Variants in UBE2E1 observed in about 807,000 individuals in gnomAD.
UBE2E1 encodes ubiquitin conjugating enzyme E2 E1, also known as ubiquitin-conjugating enzyme E2 E1.
Under a neutral mutation model 21.4 loss-of-function variants are expected in UBE2E1, and 6 were observed. The ratio of observed to expected loss-of-function variants is 0.28; its 90% CI spans 0.15 to 0.55. The LOEUF (loss-of-function observed/expected upper bound fraction) is 0.55. Among genes scored for constraint, UBE2E1 ranks in the 20% least tolerant of loss-of-function variants. The pLI is 0.93. For synonymous variants in UBE2E1, 87 were observed against 82.7 expected (o/e 1.05, Z -0.28); for missense variants, 142 against 236.5 (o/e 0.60, Z 2.62).
At position 23,875,066 on chromosome 3, in the gene UBE2E1, C is replaced by T. The variant is rs368712512; in HGVS notation, c.204-12501C>T. 1.8e-4 allele frequency among the ~76,000 whole-genome samples: 28 copies of T among 152,284 alleles called. No homozygotes were observed. In the East Asian group the frequency reaches 4.6e-3, roughly 25 times the overall value. Reference sequence around the variant, plus strand: ...TCATCCCTACCAGAGTAACTTAACCCTTTACTTACAAGTTACTTGGAAGTA... The same window carrying T: ...TCATCCCTACCAGAGTAACTTAACCTTTTACTTACAAGTTACTTGGAAGTA... On this transcript the variant is annotated intron_variant, in intron 3 of 5. Coordinates refer to ENST00000306627, the MANE Select transcript of UBE2E1 (RefSeq NM_003341.5).
At chr3:23,877,969 A>G (rs776880391) in intron 3 of UBE2E1, among the ~76,000 whole-genome samples, 5 of 152,002 alleles carry the variant, frequency 3.3e-5, no homozygotes, top group Non-Finnish European at 5.9e-5. Flanking sequence ...CACTGTTGCT[A>G]CCCTGCCCCT....
chr3:23,852,086 C>T (rs142294784), intron 3 of UBE2E1, among the ~76,000 whole-genome samples: 1 of 152,288 alleles, frequency 6.6e-6, no homozygotes, highest in South Asian at 2.1e-4. Flanking sequence ...CATCTTCTGC[C>T]ATGAGTGGAA....
At chr3:23,812,893 AT>A (rs985590850) in intron 3 of UBE2E1, among the ~76,000 whole-genome samples, 4 of 152,020 alleles carry the variant, frequency 2.6e-5, no homozygotes, top group African/African-American at 7.2e-5. Context: ...TGTGTGTGTT[AT>A]TAATAACATT....
intron 3 of UBE2E1, among the ~76,000 whole-genome samples, chr3:23,839,436 C>T (rs1223395504): frequency 6.6e-6 from 1 of 151,662 alleles, no homozygotes; most frequent in African/African-American, 2.4e-5. Context: ...TGTACTCCAG[C>T]CTTGGCAACA....
chr3:23,818,764 T>C lies in UBE2E1; in HGVS notation c.203+7254T>C, dbSNP rs1160600261. 5.3e-5 allele frequency among the ~76,000 whole-genome samples: 8 copies of C among 152,192 alleles called. No individual in the cohort carries two copies. In the East Asian group the frequency reaches 1.4e-3, roughly 26 times the overall value. On this transcript the variant is annotated intron_variant, in intron 3 of 5. Coordinates refer to ENST00000306627, the MANE Select transcript of UBE2E1 (RefSeq NM_003341.5). ...TTGGGTGATGTTAAAGTGCACAAGA[T>C]TGCTGAGATTGGAGGAGGAAAGAAT... is the stretch of plus-strand genomic sequence containing the variant.
rs1699300392 is a variant in UBE2E1 at position 23,807,336 on chromosome 3, GAGAA to G, written c.73_76del (p.Glu25GlnfsTer13). The G allele has an allele frequency of 6.2e-7, 1 of 1,613,942 alleles. No homozygotes were observed. Among genetic ancestry groups the G allele is most frequent in the Non-Finnish European group, 8.5e-7 (1 of 1,179,978 alleles). On this transcript the variant is annotated frameshift_variant, in exon 2 of 6. Transcript: ENST00000306627. LOFTEE classifies it high-confidence loss of function. The stretch of plus-strand genomic sequence containing the variant: ...ATCTTCGTCTTCCAACCAGCAAACC[GAGAA>G]AGAAACAAACACCCCCAAGAAGAAG...
At chr3:23,881,758 C>T (rs1343028297) in intron 3 of UBE2E1, among the ~76,000 whole-genome samples, 2 of 152,192 alleles carry the variant, frequency 1.3e-5, no homozygotes, top group African/African-American at 4.8e-5. Context: ...GCCGCGGACC[C>T]TCACGGTGAG....
At chr3:23,819,313 T>G (rs1699595868) in intron 3 of UBE2E1, among the ~76,000 whole-genome samples, 1 of 151,124 alleles carries the variant, frequency 6.6e-6, no homozygotes. Context: ...ATAAATAAAT[T>G]GCTAGAGAGG....
chr3:23,817,332 G>A (rs1385149643), intron 3 of UBE2E1, among the ~76,000 whole-genome samples: 1 of 149,998 alleles, frequency 6.7e-6, no homozygotes, highest in Non-Finnish European at 1.5e-5. Context: ...TGAGGCAGGA[G>A]AATTGCTTGA....
In UBE2E1 at chr3:23,863,161, A is replaced by G. The variant is rs1700590646; in HGVS notation, c.204-24406A>G. Among the ~76,000 whole-genome samples the G allele has an allele frequency of 6.6e-6, 1 of 151,720 alleles. No individual in the cohort carries two copies. The highest frequency in any genetic ancestry group is 1.5e-5 in the Non-Finnish European group (1 of 67,984). ...GTTTATATCCTGTTTTTAGGTATAT[A>G]CTCATATTACTTTATATTTCAGTTT... On this transcript the variant is annotated intron_variant, in intron 3 of 5. Transcript: ENST00000306627. The surrounding 1 kb of genome is among the most constrained non-coding windows in gnomAD (Gnocchi z 4.3).
Position 23,810,614 on chromosome 3 carries a change from T to C in UBE2E1, c.153-846T>C. The stretch of plus-strand genomic sequence containing the variant: ...ACCTGTGCGGCCGCGGGCCGGCCAC[T>C]TGGGGTCTGTGGTGCCCGAGTGGCG... On this transcript the variant is annotated intron_variant, in intron 2 of 5. Transcript: ENST00000306627. The surrounding 1 kb of genome is among the most constrained non-coding windows in gnomAD (Gnocchi z 5.8). 9.0e-6 allele frequency: 12 copies of C among 1,328,058 alleles called. No homozygotes were observed. The highest frequency in any genetic ancestry group is 2.6e-5 in the East Asian group (1 of 39,102). 82.3% of individuals were successfully genotyped at this position (1,328,058 alleles called of 1,614,324 possible).
intron 3 of UBE2E1, among the ~76,000 whole-genome samples, chr3:23,828,982 T>C (rs1380713665): frequency 6.6e-6 from 1 of 152,014 alleles, no homozygotes; most frequent in Non-Finnish European, 1.5e-5. Context: ...TTAGCAAATT[T>C]GGGGTGAAAA....
In UBE2E1 at chr3:23,853,341, C is replaced by A. The variant is rs1378691425; in HGVS notation, c.204-34226C>A. 6.6e-6 allele frequency among the ~76,000 whole-genome samples: 1 copy of A among 152,096 alleles called. No individual in the cohort carries two copies. The highest frequency in any genetic ancestry group is 1.5e-5 in the Non-Finnish European group (1 of 68,030). The stretch of plus-strand genomic sequence containing the variant: ...TGAGGGTGGACATGTTTGTCTTGTT[C>A]CTCATCTTAGTCCTCAGAAATCATT... On this transcript the variant is annotated intron_variant, in intron 3 of 5. Transcript: ENST00000306627. This position sits in a 1 kb window ranked among gnomAD's most constrained non-coding sequence, Gnocchi z 4.1.
At chr3:23,862,346 C>T (rs1316348503) in intron 3 of UBE2E1, among the ~76,000 whole-genome samples, 1 of 152,106 alleles carries the variant, frequency 6.6e-6, no homozygotes, top group East Asian at 1.9e-4. Flanking sequence ...GTTTGGTCAC[C>T]CTTTCCCCTG....
At position 23,889,249 on chromosome 3, in the gene UBE2E1, CTG is replaced by C. The variant is rs1701280829; in HGVS notation, c.476_477del (p.Cys159Ter). On this transcript the variant is annotated frameshift_variant, in exon 5 of 6. Coordinates refer to ENST00000306627, the MANE Select transcript of UBE2E1 (RefSeq NM_003341.5). LOFTEE classifies it high-confidence loss of function. ...TTTCTATCTGCTCACTTCTTACAGA[CTG>C]TAATCCTGGTAAGGTTCATAATTCT... ...LLSICSLLTD[C>X]NPADPLVGSI... 6.2e-7 allele frequency: 1 copy of C among 1,613,746 alleles called. No individual in the cohort carries two copies. Among genetic ancestry groups the C allele is most frequent in the Non-Finnish European group, 8.5e-7 (1 of 1,179,978 alleles).
intron 3 of UBE2E1, among the ~76,000 whole-genome samples, chr3:23,860,951 G>T (rs2125313427): frequency 6.6e-6 from 1 of 152,280 alleles, no homozygotes; most frequent in Non-Finnish European, 1.5e-5. Flanking sequence ...ATATATATAT[G>T]TAAAGTCACA....
At chr3:23,822,530 T>G (rs1434714950) in intron 3 of UBE2E1, among the ~76,000 whole-genome samples, 1 of 152,154 alleles carries the variant, frequency 6.6e-6, no homozygotes, top group Non-Finnish European at 1.5e-5. Flanking sequence ...GAGATTCAAG[T>G]CCTTTGTGAT....
chr3:23,827,806 G>C (rs1037090680), intron 3 of UBE2E1, among the ~76,000 whole-genome samples: 1 of 150,598 alleles, frequency 6.6e-6, no homozygotes. Context: ...ATATTCTTTT[G>C]TTTAAAAATC....
chr3:23,820,758 C>A (rs1021099498), intron 3 of UBE2E1, among the ~76,000 whole-genome samples: 1 of 152,128 alleles, frequency 6.6e-6, no homozygotes, highest in Non-Finnish European at 1.5e-5. Context: ...AGTAATACAA[C>A]GGAGTAGTCT....
Sources: allele counts gnomAD v4.1 joint callset (sites outside exome capture counted in the v4.1 genomes callset), GRCh38; gene constraint gnomAD v4.1.1; non-coding constraint Gnocchi (gnomAD v3.1); transcripts MANE v1.5; gene names NCBI Gene and HGNC (gene_info 2026-07-23, HGNC 2026-07-21).